NAAA: variants seen among roughly 807,000 people sequenced by gnomAD.
NAAA encodes the protein N-acylethanolamine acid amidase.
NAAA carries 39 observed loss-of-function variants against 44.8 expected under a neutral mutation model. The ratio of observed to expected loss-of-function variants is 0.87; its 90% CI spans 0.67 to 1.14. The LOEUF is 1.14. NAAA is among the 50% of genes most tolerant of loss of function. The pLI is 0.00. For missense variants in NAAA, 460 were observed against 467.8 expected (o/e 0.98, Z 0.15); for synonymous variants, 178 against 191.3 (o/e 0.93, Z 0.58).
chr4:75,933,560 T>A (rs544580134), intron 3 of NAAA, among the ~76,000 whole-genome samples: 115 of 152,174 alleles, frequency 7.6e-4, no homozygotes, highest in Non-Finnish European at 1.4e-3. Context: ...ATTGAAGTTA[T>A]GAGATCAAAA....
intron 9 of NAAA, chr4:75,917,417 T>C (rs17001214): frequency 0.084 from 12,857 of 152,496 alleles, 935 homozygotes; most frequent in African/African-American, 0.19. Context: ...TGCTTTGTTA[T>C]CCAAATAGCT....
At chr4:75,928,090 T>C (rs1051577872) in intron 4 of NAAA, among the ~76,000 whole-genome samples, 8 of 151,910 alleles carry the variant, frequency 5.3e-5, no homozygotes, top group Non-Finnish European at 1.5e-5. Context: ...TCACCAGACC[T>C]TATTCCTCCT....
chr4:75,914,842 C>G, intron 10 of NAAA, 26 bp downstream of exon 10: 1 of 1,560,482 alleles, frequency 6.4e-7, no homozygotes, highest in Admixed American at 1.7e-5. Flanking sequence ...ACCTCACCCC[C>G]TCTCCACAAA....
At chr4:75,931,144 G>C in intron 4 of NAAA, 70 bp downstream of exon 4, 2 of 1,256,494 alleles carry the variant, frequency 1.6e-6, no homozygotes, top group Non-Finnish European at 2.3e-6. Context: ...TGTTGGGTGA[G>C]TGAAGGAAGT....
chr4:75,938,232 C>G (rs1727902837), intron 2 of NAAA, among the ~76,000 whole-genome samples: 2 of 152,216 alleles, frequency 1.3e-5, no homozygotes, highest in Admixed American at 6.5e-5. Context: ...GAGAAGAAAG[C>G]ATTTCCTTTG....
At chr4:75,934,570 G>A (rs556323464) in intron 3 of NAAA, among the ~76,000 whole-genome samples, 2 of 149,692 alleles carry the variant, frequency 1.3e-5, no homozygotes, top group South Asian at 2.1e-4. Flanking sequence ...CTCGTGATTC[G>A]CCTGCCTCGG....
chr4:75,931,142 G>T, intron 4 of NAAA, 72 bp downstream of exon 4: 1 of 1,213,316 alleles, frequency 8.2e-7, no homozygotes, highest in Non-Finnish European at 1.2e-6. Context: ...TCTGTTGGGT[G>T]AGTGAAGGAA....
downstream of NAAA, among the ~76,000 whole-genome samples, chr4:75,913,056 C>G (rs2047985): frequency 1.3e-5 from 2 of 151,112 alleles, no homozygotes; most frequent in African/African-American, 4.9e-5. Flanking sequence ...GCCTGGGAAC[C>G]GAGACACTCC....
chr4:75,940,808 A>G lies in NAAA; in HGVS notation c.142T>C (p.Trp48Arg). 1 of 1,598,816 alleles carries G rather than the reference A, an allele frequency of 6.3e-7. No homozygotes were observed. The highest frequency in any genetic ancestry group is 8.5e-7 in the Non-Finnish European group (1 of 1,178,836). ...TCGTAGTGCCGCAGCACGGGCAGCC[A>G]GCGCAGCTCGGGGACCGAGTCCAGG... ...VSLDSVPELR[W>R]LPVLRHYDLD... Residue 48 changes from tryptophan (W) to arginine (R), a missense_variant, in exon 1 of 11, where the codon TGG becomes CGG. Transcript: ENST00000286733.
chr4:75,940,394 G>A (rs912843902), intron 1 of NAAA: 1 of 588,762 alleles, frequency 1.7e-6, no homozygotes, highest in Non-Finnish European at 3.0e-6. Context: ...TGGGGAGGGC[G>A]AGTGAGGCTG....
At chr4:75,915,281 A>G (rs6829172) in intron 9 of NAAA, among the ~76,000 whole-genome samples, 13,349 of 152,164 alleles carry the variant, frequency 0.088, 1,031 homozygotes, top group African/African-American at 0.21. Context: ...CTTGGGAGGC[A>G]GAGGTTGCAC....
chr4:75,911,225 T>C (rs1725310596), downstream of NAAA: 1 of 467,238 alleles, frequency 2.1e-6, no homozygotes, highest in African/African-American at 2.0e-5. Context: ...GAACTGGCTA[T>C]TTTCTCTTCT....
In NAAA at chr4:75,940,924, C is replaced by A. The variant is rs1175742430; in HGVS notation, c.26G>T (p.Arg9Leu). 2 of 1,502,230 alleles carry A rather than the reference C, an allele frequency of 1.3e-6. No homozygotes were observed. The highest frequency in any genetic ancestry group is 2.1e-5 in the Admixed American group (1 of 47,058). 93.1% of individuals were successfully genotyped at this position (1,502,230 alleles called of 1,614,324 possible). A position where few individuals can be genotyped will look rare whatever the true frequency, so the allele number is the denominator to read the frequency against. ...CAGCAGCAGGGACGGAAGCCCCGGG[C>A]GCGCCTCCCGGTCCGCGGTCCGCAT... MRTADREA[R>L]PGLPSLLLLL... is the part of the protein sequence containing the mutation. Residue 9 changes from arginine to leucine, a missense_variant, in exon 1 of 11, where the codon CGC (arginine) becomes CTC (leucine). Transcript: ENST00000286733.
At chr4:75,915,695 T>TGG (rs200179421) in intron 9 of NAAA, among the ~76,000 whole-genome samples, 2 of 151,970 alleles carry the variant, frequency 1.3e-5, no homozygotes, top group African/African-American at 4.8e-5. Flanking sequence ...CACCATGCTT[T>TGG]GGGGGGGTGG....
chr4:75,913,845 A>T lies in NAAA; in HGVS notation c.*530T>A, dbSNP rs567049210. 1.0e-6 allele frequency: 1 copy of T among 985,228 alleles called. No individual in the cohort carries two copies. The highest frequency in any genetic ancestry group is 1.2e-6 in the Non-Finnish European group (1 of 829,794). 61.0% of individuals were successfully genotyped at this position (985,228 alleles called of 1,614,324 possible). A position where few individuals can be genotyped will look rare whatever the true frequency, so the allele number is the denominator to read the frequency against. ...CGTTAGAAACATTATAAAAAACGAG[A>T]CTCCCATTACATGGAAACACATGAT... is the stretch of plus-strand genomic sequence containing the variant. On this transcript the variant is annotated 3_prime_UTR_variant, in exon 11 of 11. Transcript: ENST00000286733.
intron 4 of NAAA, among the ~76,000 whole-genome samples, chr4:75,929,646 T>C (rs1727054724): frequency 1.3e-5 from 2 of 152,160 alleles, no homozygotes; most frequent in African/African-American, 4.8e-5. Flanking sequence ...GTGGTTTGGG[T>C]ACCACAGGTT....
intron 9 of NAAA, chr4:75,917,109 A>G: frequency 1.0e-6 from 1 of 958,884 alleles, no homozygotes; most frequent in Non-Finnish European, 1.2e-6. Flanking sequence ...TAATTACCTA[A>G]AAAAACTATA....
intron 5 of NAAA, among the ~76,000 whole-genome samples, chr4:75,924,620 T>C (rs1726485865): frequency 1.3e-5 from 2 of 152,226 alleles, no homozygotes; most frequent in Admixed American, 1.3e-4. Context: ...CTTTGCTAGT[T>C]TGGATATTTG....
At chr4:75,932,813 TA>T (rs1207869096) in intron 3 of NAAA, among the ~76,000 whole-genome samples, 9 of 152,020 alleles carry the variant, frequency 5.9e-5, no homozygotes, top group Non-Finnish European at 1.2e-4. Context: ...CTTTATCAGT[TA>T]TTTCTGATAC....
Sources: gnomAD v4.1 joint callset for allele counts (sites outside exome capture counted in the v4.1 genomes callset) on GRCh38, gnomAD v4.1.1 for gene constraint, MANE v1.5 for transcripts, NCBI Gene and HGNC (gene_info 2026-07-23, HGNC 2026-07-21) for gene names.